GGA1: variants seen among roughly 807,000 people sequenced by gnomAD.
GGA1 encodes the protein ADP-ribosylation factor-binding protein GGA1.
Under a neutral mutation model 76.9 loss-of-function variants are expected in GGA1, and 18 were observed. The ratio of observed to expected loss-of-function variants is 0.23; its 90% CI spans 0.16 to 0.35. The LOEUF (loss-of-function observed/expected upper bound fraction) is 0.35. GGA1 is among the 10% of genes least tolerant of loss of function. The pLI is 1.00. For missense variants in GGA1, 755 were observed against 859.0 expected, an observed-to-expected ratio of 0.88 and a Z score of 1.51; for synonymous variants, 342 against 354.7, an observed-to-expected ratio of 0.96 and a Z score of 0.40.
chr22:37,614,298 T>G (rs745937329), intron 2 of GGA1, 24 bp downstream of exon 2: 2 of 1,459,472 alleles, frequency 1.4e-6, no homozygotes, highest in South Asian at 2.3e-5. Flanking sequence ...CCCACTTGTT[T>G]GCACTGCCCT....
chr22:37,614,446 G>A (rs1928368091), intron 2 of GGA1, among the ~76,000 whole-genome samples, 172 bp downstream of exon 2: 1 of 152,178 alleles, frequency 6.6e-6, no homozygotes, highest in African/African-American at 2.4e-5. Flanking sequence ...TCTGGGGTGG[G>A]CCTTGCTGGA....
At chr22:37,615,407 C>T (rs965002198) in intron 2 of GGA1, among the ~76,000 whole-genome samples, 1 of 147,410 alleles carries the variant, frequency 6.8e-6, no homozygotes, top group Admixed American at 6.8e-5. Context: ...CAAGATCGTG[C>T]CATTGCACTC....
At position 37,624,960 on chromosome 22, in the gene GGA1, C is replaced by A; in HGVS notation, c.833-9C>A. On this transcript the variant is annotated splice_polypyrimidine_tract_variant and intron_variant, in intron 9 of 16. Transcript: ENST00000343632. The surrounding 1 kb of genome is among the most constrained non-coding windows in gnomAD (Gnocchi z 4.3). ...TTCAGCCTGGCCTCTCCCCTCCTGC[C>A]TGTTCCAGCGGAGATCCTGCAGGCC... 1 of 1,574,136 alleles carries A rather than the reference C, an allele frequency of 6.4e-7. No individual in the cohort carries two copies.
Position 37,623,800 on chromosome 22 carries a change from G to T in GGA1, c.832+167G>T. The T allele has an allele frequency of 1.7e-6, 1 of 598,916 alleles. No individual in the cohort carries two copies. Among genetic ancestry groups the T allele is most frequent in the Non-Finnish European group, 3.0e-6 (1 of 331,856 alleles). 37.1% of individuals were successfully genotyped at this position (598,916 alleles called of 1,614,324 possible). On this transcript the variant is annotated intron_variant, in intron 9 of 16. Transcript: ENST00000343632. The surrounding 1 kb of genome is among the most constrained non-coding windows in gnomAD (Gnocchi z 4.6). Reference sequence around the variant, plus strand: ...TTCTCCTCTCTGAGGACACAGAGCAGGGGCCGCCCCCCTGTTGAGAGGCCC... The same window carrying T: ...TTCTCCTCTCTGAGGACACAGAGCATGGGCCGCCCCCCTGTTGAGAGGCCC...
intron 1 of GGA1, among the ~76,000 whole-genome samples, chr22:37,613,491 C>T (rs530918366): frequency 1.8e-4 from 27 of 152,270 alleles, no homozygotes; most frequent in Non-Finnish European, 3.8e-4. Context: ...AGCTCCGCCT[C>T]CCGGGTTCAC....
At chr22:37,618,640 C>T in intron 4 of GGA1, 94 bp downstream of exon 4, 1 of 741,164 alleles carries the variant, frequency 1.3e-6, no homozygotes, top group Non-Finnish European at 2.4e-6. Flanking sequence ...TCCAGGGAGC[C>T]TCCCACTGGG....
intron 3 of GGA1, chr22:37,617,327 G>T (rs945743726): frequency 2.2e-5 from 27 of 1,232,664 alleles, no homozygotes; most frequent in Non-Finnish European, 2.6e-5. Flanking sequence ...CAGACCTGCC[G>T]AGGCCACACT....
intron 13 of GGA1, chr22:37,630,584 T>C (rs1480249463): frequency 4.4e-6 from 2 of 456,416 alleles, no homozygotes; most frequent in Non-Finnish European, 7.7e-6. Flanking sequence ...TTTCTTTTTT[T>C]GAGAGGGAGT....
intron 1 of GGA1, chr22:37,612,772 CAA>C (rs760463178): frequency 3.3e-3 from 810 of 247,840 alleles, no homozygotes; most frequent in Non-Finnish European, 4.2e-3. Flanking sequence ...AGACTCGTCT[CAA>C]AAAAAAAAAA....
intron 3 of GGA1, chr22:37,617,219 G>T: frequency 7.2e-7 from 1 of 1,397,868 alleles, no homozygotes; most frequent in Non-Finnish European, 9.2e-7. Context: ...CTGAGGGAAG[G>T]CCCTCTAGGG....
At chr22:37,626,028 C>A in intron 11 of GGA1, 79 bp downstream of exon 11, 1 of 1,168,010 alleles carries the variant, frequency 8.6e-7, no homozygotes, top group Non-Finnish European at 1.2e-6. Context: ...TCACAGCTAG[C>A]GGAACCACGT....
chr22:37,620,937 T>C (rs1278349781), intron 6 of GGA1, 24 bp downstream of exon 6: 2 of 1,436,162 alleles, frequency 1.4e-6, no homozygotes, highest in South Asian at 2.3e-5. Flanking sequence ...GAGGCACATA[T>C]GGGGACTCTG....
intron 1 of GGA1, among the ~76,000 whole-genome samples, chr22:37,611,179 C>T (rs533723516): frequency 1.9e-4 from 29 of 152,252 alleles, no homozygotes; most frequent in Admixed American, 1.8e-3. Context: ...TGGGGAGGGT[C>T]ATATTCCTGG....
chr22:37,609,142 C>G, intron 1 of GGA1: 1 of 1,467,898 alleles, frequency 6.8e-7, no homozygotes, highest in Non-Finnish European at 9.1e-7. Flanking sequence ...GGCCATGACC[C>G]CTGGGACGGC....
At position 37,630,185 on chromosome 22, in the gene GGA1, T is replaced by C; in HGVS notation, c.1331+15T>C. The C allele has an allele frequency of 2.6e-6, 4 of 1,545,476 alleles. No individual in the cohort carries two copies. Among genetic ancestry groups the C allele is most frequent in the Non-Finnish European group, 3.5e-6 (4 of 1,145,632 alleles). On this transcript the variant is annotated intron_variant, in intron 13 of 16. Transcript: ENST00000343632. The stretch of plus-strand genomic sequence containing the variant: ...CAAGTGCGGTGGTGAGGGCCCACCA[T>C]GGCTGGCATGGGGTGGGGAGCACTC...
chr22:37,613,320 C>T, intron 1 of GGA1: 1 of 214,964 alleles, frequency 4.7e-6, no homozygotes, highest in Non-Finnish European at 8.0e-6. Flanking sequence ...TCCTCCTGGT[C>T]CCTGCTTGTG....
intron 1 of GGA1, 113 bp downstream of exon 1, chr22:37,609,016 C>A: frequency 7.3e-7 from 1 of 1,372,698 alleles, no homozygotes; most frequent in Non-Finnish European, 9.4e-7. Context: ...GCCCCGCCCC[C>A]GGCCCGGGAG....
chr22:37,623,213 C>A lies in GGA1; in HGVS notation c.610-114C>A. On this transcript the variant is annotated intron_variant, in intron 7 of 16. Coordinates refer to ENST00000343632, the MANE Select transcript of GGA1 (RefSeq NM_013365.5). This position sits in a 1 kb window ranked among gnomAD's most constrained non-coding sequence, Gnocchi z 4.6. The stretch of plus-strand genomic sequence containing the variant: ...CTGGAGCCCCACCCAGAGTGTGATC[C>A]CACAGTCACCCAGCTGTCAACCCAG... 1 of 1,034,666 alleles carries A rather than the reference C, an allele frequency of 9.7e-7. No individual in the cohort carries two copies. The highest frequency in any genetic ancestry group is 1.5e-6 in the Non-Finnish European group (1 of 668,502). 64.1% of individuals were successfully genotyped at this position (1,034,666 alleles called of 1,614,324 possible).
Position 37,624,919 on chromosome 22 carries a change from G to C in GGA1, c.833-50G>C, listed in dbSNP as rs1296921262. The C allele has an allele frequency of 6.5e-7, 1 of 1,539,986 alleles. No individual in the cohort carries two copies. On this transcript the variant is annotated intron_variant, in intron 9 of 16. Transcript: ENST00000343632. This position sits in a 1 kb window ranked among gnomAD's most constrained non-coding sequence, Gnocchi z 4.3. Reference sequence around the variant, plus strand: ...TGGGGTCCTCGTCCCCTGCCGCCCAGAGGCCCCCACAGTCCTTCAGCCTGG... The same window carrying C: ...TGGGGTCCTCGTCCCCTGCCGCCCACAGGCCCCCACAGTCCTTCAGCCTGG...
Sources: allele counts gnomAD v4.1 joint callset (sites outside exome capture counted in the v4.1 genomes callset), GRCh38; gene constraint gnomAD v4.1.1; non-coding constraint Gnocchi (gnomAD v3.1); transcripts MANE v1.5; gene names NCBI Gene and HGNC (gene_info 2026-07-23, HGNC 2026-07-21).